Variants in ADAMTS3 observed in about 807,000 individuals in gnomAD.
The protein encoded by ADAMTS3 is ADAM metallopeptidase with thrombospondin type 1 motif 3, also known as A disintegrin and metalloproteinase with thrombospondin motifs 3.
A neutral mutation model predicts 129.0 loss-of-function variants in ADAMTS3; 73 were observed. The ratio of observed to expected loss-of-function variants is 0.57; its 90% confidence interval spans 0.47 to 0.69. The LOEUF is 0.69. ADAMTS3 is among the 30% of genes least tolerant of loss of function. The probability of loss-of-function intolerance (pLI) is 0.00; values close to 1 mark genes in which losing one functional copy is unlikely to be tolerated. For synonymous variants in ADAMTS3, 477 were observed against 510.8 expected (o/e 0.93, Z 0.89); for missense variants, 1,457 against 1,514.5 (o/e 0.96, Z 0.63).
intron 4 of ADAMTS3, among the ~76,000 whole-genome samples, chr4:72,402,636 C>T (rs758775209): frequency 7.2e-5 from 11 of 151,888 alleles, no homozygotes; most frequent in Non-Finnish European, 1.5e-4. Context: ...AGTCTTGTAT[C>T]AAAAAAGTCC....
intron 4 of ADAMTS3, among the ~76,000 whole-genome samples, chr4:72,383,023 TAATA>T (rs1352737344): frequency 6.6e-6 from 1 of 151,862 alleles, no homozygotes; most frequent in Non-Finnish European, 1.5e-5. Context: ...CCTGAATTTA[TAATA>T]AATAAGCACA....
At position 72,568,865 on chromosome 4, in the gene ADAMTS3, GA is replaced by G; in HGVS notation, c.-104del. ...TTTCTTTAAGAAAAAAAGGAAAAGG[GA>G]AAAAATGCGAAATAGAAAAAAATGA... On this transcript the variant is annotated 5_prime_UTR_variant, in exon 1 of 22. Transcript: ENST00000286657. The G allele has an allele frequency of 2.5e-6, 2 of 808,176 alleles. No homozygotes were observed. The highest frequency in any genetic ancestry group is 3.9e-6 in the Non-Finnish European group (2 of 509,232). The allele number at this position is 808,176 out of a possible 1,614,324, so 50.1% of individuals were successfully genotyped here.
At chr4:72,453,756 T>A (rs923336050) in intron 3 of ADAMTS3, among the ~76,000 whole-genome samples, 51 of 151,450 alleles carry the variant, frequency 3.4e-4, no homozygotes, top group African/African-American at 1.1e-3. Flanking sequence ...ATAACAAGGA[T>A]AAAAAAGTAG....
intron 3 of ADAMTS3, among the ~76,000 whole-genome samples, chr4:72,493,711 A>C (rs921240392): frequency 3.3e-5 from 5 of 152,076 alleles, no homozygotes; most frequent in Non-Finnish European, 7.4e-5. Context: ...GTTGTTGTTT[A>C]GCATATTTTC....
At chr4:72,538,943 G>A (rs1721248365) in intron 3 of ADAMTS3, among the ~76,000 whole-genome samples, 1 of 151,984 alleles carries the variant, frequency 6.6e-6, no homozygotes, top group African/African-American at 2.4e-5. Context: ...AATGGAGCTT[G>A]GAAAACTTGA....
chr4:72,418,072 T>C (rs886275993), intron 3 of ADAMTS3, among the ~76,000 whole-genome samples: 5 of 152,128 alleles, frequency 3.3e-5, no homozygotes, highest in Non-Finnish European at 7.3e-5. Context: ...TGAAATTCAA[T>C]GAGTATGCTA....
chr4:72,299,428 TTA>T (rs1718897079), intron 17 of ADAMTS3, among the ~76,000 whole-genome samples: 1 of 152,226 alleles, frequency 6.6e-6, no homozygotes, highest in East Asian at 1.9e-4. Context: ...TTGTTATGTA[TTA>T]TTGTTAATAA....
chr4:72,389,598 G>A (rs908035044), intron 4 of ADAMTS3, among the ~76,000 whole-genome samples: 4 of 151,600 alleles, frequency 2.6e-5, no homozygotes, highest in African/African-American at 9.7e-5. Context: ...CATTTAGAAA[G>A]GACTATGCAG....
intron 4 of ADAMTS3, among the ~76,000 whole-genome samples, chr4:72,389,676 C>T (rs541712004): frequency 1.9e-4 from 29 of 152,166 alleles, no homozygotes; most frequent in South Asian, 8.3e-4. Context: ...GGTCCACCAG[C>T]GTATGTCACA....
chr4:72,430,671 G>A (rs191421564), intron 3 of ADAMTS3, among the ~76,000 whole-genome samples: 96 of 151,960 alleles, frequency 6.3e-4, no homozygotes, highest in African/African-American at 2.2e-3. Context: ...GTTCTACAAC[G>A]ATGGAAAACT....
At chr4:72,341,467 G>A (rs1047014016) in intron 4 of ADAMTS3, among the ~76,000 whole-genome samples, 2 of 152,090 alleles carry the variant, frequency 1.3e-5, no homozygotes, top group Admixed American at 6.5e-5. Flanking sequence ...GTTAAGAGAC[G>A]ACTACACCTG....
At chr4:72,401,058 TC>T (rs1307326797) in intron 4 of ADAMTS3, among the ~76,000 whole-genome samples, 1 of 151,304 alleles carries the variant, frequency 6.6e-6, no homozygotes. Flanking sequence ...GAATTAAAAT[TC>T]AATAAAAATA....
Position 72,440,154 on chromosome 4 carries a change from C to T in ADAMTS3, c.505-25183G>A, listed in dbSNP as rs1422256566. Among the ~76,000 whole-genome samples the T allele has an allele frequency of 2.6e-5, 4 of 151,664 alleles. No individual in the cohort carries two copies. The East Asian group carries it at 7.8e-4, about 30-fold the overall frequency. The stretch of plus-strand genomic sequence containing the variant: ...AAAAAATGGTGACAATTATATAATA[C>T]TAATTACACAAAAAAGTGTCAAAGT... On this transcript the variant is annotated intron_variant, in intron 3 of 21. Transcript: ENST00000286657.
chr4:72,558,908 A>G (rs1721833936), intron 2 of ADAMTS3, among the ~76,000 whole-genome samples: 1 of 151,720 alleles, frequency 6.6e-6, no homozygotes, highest in Non-Finnish European at 1.5e-5. Context: ...TCTACCAGGA[A>G]ATGTACTGGA....
intron 5 of ADAMTS3, among the ~76,000 whole-genome samples, chr4:72,334,535 T>A (rs1016012008): frequency 1.3e-5 from 2 of 152,098 alleles, no homozygotes; most frequent in Non-Finnish European, 2.9e-5. Context: ...AAATTAAAAA[T>A]TTTAAAACTC....
chr4:72,338,984 T>G (rs1211130875), intron 5 of ADAMTS3, among the ~76,000 whole-genome samples: 1 of 152,178 alleles, frequency 6.6e-6, no homozygotes, highest in Non-Finnish European at 1.5e-5. Flanking sequence ...ATGCTTTGTA[T>G]TAATAAATAT....
At chr4:72,400,310 CACACATGGTGTGTGTATATAT>C (rs1222335422) in intron 4 of ADAMTS3, among the ~76,000 whole-genome samples, 2 of 144,230 alleles carry the variant, frequency 1.4e-5, no homozygotes, top group Non-Finnish European at 3.1e-5. Context: ...TGTATATATG[CACACATGGTGTGTGTATATAT>C]ACACACGGTG....
intron 4 of ADAMTS3, among the ~76,000 whole-genome samples, chr4:72,362,558 T>A (rs917382240): frequency 4.7e-4 from 71 of 152,140 alleles, no homozygotes; most frequent in African/African-American, 1.6e-3. Context: ...AAATGACTGT[T>A]ACTGAAAATT....
At chr4:72,348,553 G>A (rs1431673439) in intron 4 of ADAMTS3, among the ~76,000 whole-genome samples, 1 of 151,980 alleles carries the variant, frequency 6.6e-6, no homozygotes, top group Non-Finnish European at 1.5e-5. Flanking sequence ...AAGAACCTGT[G>A]CCTTTGATGA....
Sources: gnomAD v4.1 joint callset for allele counts (sites outside exome capture counted in the v4.1 genomes callset) on GRCh38, gnomAD v4.1.1 for gene constraint, MANE v1.5 for transcripts, NCBI Gene and HGNC (gene_info 2026-07-23, HGNC 2026-07-21) for gene names.